Variants in TEX35 observed in about 807,000 individuals in gnomAD.
TEX35 encodes the protein testis expressed 35.
In TEX35, 26 loss-of-function variants were observed where a neutral mutation model predicts 31.9. The observed-to-expected ratio is 0.81, with a 90% CI of 0.60 to 1.13. TEX35 has a LOEUF of 1.13. Among genes scored for constraint, TEX35 ranks in the 50% most tolerant of loss-of-function variants. The pLI, the probability that TEX35 is intolerant of heterozygous loss-of-function variation, is 0.00. For synonymous variants in TEX35, 87 were observed against 90.7 expected, an observed-to-expected ratio of 0.96 and a Z score of 0.23; for missense variants, 278 against 273.5, an observed-to-expected ratio of 1.02 and a Z score of -0.12.
intron 1 of TEX35, among the ~76,000 whole-genome samples, chr1:178,513,604 G>T (rs1448412903): frequency 6.6e-6 from 1 of 152,264 alleles, no homozygotes. Flanking sequence ...TATAGATGAG[G>T]AAATGGGGGC....
chr1:178,520,645 C>T (rs1234120937), intron 6 of TEX35, 28 bp from the exon 7 acceptor site: 1 of 1,609,804 alleles, frequency 6.2e-7, no homozygotes, highest in African/African-American at 1.3e-5. Flanking sequence ...CCCCAACTCT[C>T]TGCCCCTCCC....
downstream of TEX35, chr1:178,523,309 C>T (rs374633801): frequency 1.6e-4 from 111 of 700,572 alleles, 1 homozygote; most frequent in Middle Eastern, 6.7e-4. Context: ...TAGGTATATA[C>T]GCTGCAGTGG....
intron 8 of TEX35, chr1:178,521,713 C>T (rs1172147377): frequency 6.4e-7 from 1 of 1,551,750 alleles, no homozygotes; most frequent in East Asian, 2.4e-5. Context: ...TCATCACCTC[C>T]AAGCTCCTTA....
At chr1:178,521,024 T>C (rs1393700834) in intron 7 of TEX35, 150 bp downstream of exon 7, 5 of 1,538,466 alleles carry the variant, frequency 3.2e-6, no homozygotes, top group Non-Finnish European at 4.4e-6. Flanking sequence ...GCGCCCTCCC[T>C]GACCTGCCTT....
chr1:178,521,007 C>G (rs74822949), intron 7 of TEX35, 133 bp downstream of exon 7: 5 of 1,538,316 alleles, frequency 3.3e-6, no homozygotes, highest in South Asian at 1.2e-5. Flanking sequence ...GGGTGCCGCC[C>G]GAGCCTGCGC....
rs549632398 is a variant in TEX35 at position 178,516,455 on chromosome 1, T to G, written c.217-160T>G. 4.8e-6 allele frequency: 3 copies of G among 619,240 alleles called. No homozygotes were observed. In the South Asian group the frequency reaches 6.1e-5, roughly 13 times the overall value. The allele number at this position is 619,240 out of a possible 1,614,324, so 38.4% of individuals were successfully genotyped here. On this transcript the variant is annotated intron_variant, in intron 4 of 8. Transcript: ENST00000319416. ...TTGATGGTGCTTGCACCCTAGTCCC[T>G]TCACAGACTCCTTGAGAAGAAAGTG...
chr1:178,513,957 C>T, intron 1 of TEX35, 70 bp from the exon 2 acceptor site: 2 of 1,568,358 alleles, frequency 1.3e-6, no homozygotes, highest in Non-Finnish European at 8.7e-7. Flanking sequence ...GGTTCCCGTG[C>T]AAGGGCCAGA....
chr1:178,518,833 G>A (rs1413682682), intron 5 of TEX35, among the ~76,000 whole-genome samples: 3 of 152,128 alleles, frequency 2.0e-5, no homozygotes, highest in Non-Finnish European at 2.9e-5. Context: ...CAAAGGAGGC[G>A]ATTTCAGGCA....
At chr1:178,522,253 CT>C in intron 8 of TEX35, 71 bp from the exon 9 acceptor site, 1 of 1,499,694 alleles carries the variant, frequency 6.7e-7, no homozygotes, top group Non-Finnish European at 8.9e-7. Context: ...AACTGGGTAG[CT>C]TTCTTGGGTT....
chr1:178,513,885 T>C, intron 1 of TEX35, 142 bp from the exon 2 acceptor site: 1 of 898,004 alleles, frequency 1.1e-6, no homozygotes. Context: ...GCGGGGTCTG[T>C]GAGCCTGAGC....
intron 4 of TEX35, among the ~76,000 whole-genome samples, chr1:178,516,334 G>C (rs761808549): frequency 1.6e-4 from 24 of 152,182 alleles, no homozygotes; most frequent in South Asian, 4.1e-4. Context: ...GCGAATAATC[G>C]AGCAAGAAAG....
chr1:178,521,071 A>T, intron 7 of TEX35, 151 bp from the exon 8 acceptor site: 1 of 1,570,694 alleles, frequency 6.4e-7, no homozygotes, highest in Non-Finnish European at 8.6e-7. Context: ...AGCTGTGACC[A>T]TGCAGGACTT....
chr1:178,521,739 G>A (rs1572178589), intron 8 of TEX35: 1 of 1,551,730 alleles, frequency 6.4e-7, no homozygotes, highest in African/African-American at 1.4e-5. Context: ...CACAGTCAGG[G>A]CTTCTTGTCC....
rs148987202 is a variant in TEX35, at chr1:178,520,809, A to C, written c.478A>C (p.Thr160Pro). 1 of 1,614,048 alleles carries C rather than the reference A, an allele frequency of 6.2e-7. No individual in the cohort carries two copies. The highest frequency in any genetic ancestry group is 1.3e-5 in the African/African-American group (1 of 74,926). The change falls in exon 7 of 9, where the codon ACG (threonine) becomes CCG (proline). Residue 160 changes from threonine to proline, a missense_variant. Coordinates refer to ENST00000319416, the MANE Select transcript of TEX35 (RefSeq NM_032126.5). ...AGCACCCTGTGCTCTTCACAAGAAG[A>C]CGATGGCACCACAAAAAACAAAACA... ...NGAPCALHKKTMAPQKTKQGS... is the reference protein window; with the variant it reads ...NGAPCALHKKPMAPQKTKQGS...
intron 4 of TEX35, 63 bp from the exon 5 acceptor site, chr1:178,516,552 G>A (rs1650083127): frequency 2.1e-6 from 3 of 1,447,926 alleles, no homozygotes; most frequent in Non-Finnish European, 2.9e-6. Context: ...CCTGAAAGAT[G>A]CCACAACTAA....
At chr1:178,522,662 A>G (rs1482073611), downstream of TEX35, 5 of 1,182,020 alleles carry the variant, frequency 4.2e-6, no homozygotes, top group African/African-American at 4.6e-5. Flanking sequence ...TTTTTTTTGG[A>G]ATTTTATTAT....
chr1:178,516,604 T>C lies in TEX35; in HGVS notation c.217-11T>C. 1 of 1,612,080 alleles carries C rather than the reference T, an allele frequency of 6.2e-7. No individual in the cohort carries two copies. The highest frequency in any genetic ancestry group is 1.1e-5 in the South Asian group (1 of 90,910). On this transcript the variant is annotated splice_polypyrimidine_tract_variant and intron_variant, in intron 4 of 8. Coordinates refer to ENST00000319416, the MANE Select transcript of TEX35 (RefSeq NM_032126.5). ...TGTGCTTTGTCAAGCCATGCCTTTC[T>C]TCCTTGTTAGATAAAGGATCTAATG...
In TEX35 at chr1:178,522,557, G is replaced by T; in HGVS notation, c.*117G>T. Reference sequence around the variant, plus strand: ...TCAATTTGAAGGACGAGGAATGATGGGATTTCATATTTTATTTCACACCAG... The same window carrying T: ...TCAATTTGAAGGACGAGGAATGATGTGATTTCATATTTTATTTCACACCAG... On this transcript the variant is annotated 3_prime_UTR_variant, in exon 9 of 9. Transcript: ENST00000319416. The T allele has an allele frequency of 1.5e-6, 2 of 1,317,702 alleles. No individual in the cohort carries two copies. The highest frequency in any genetic ancestry group is 1.9e-6 in the Non-Finnish European group (2 of 1,027,450). 81.6% of individuals were successfully genotyped at this position (1,317,702 alleles called of 1,614,324 possible).
chr1:178,521,015 C>T lies in TEX35; in HGVS notation c.543+141C>T, dbSNP rs143268019. 1,537 of 1,537,656 alleles carry T rather than the reference C, an allele frequency of 1.0e-3. 9 individuals carry two copies. In the African/African-American group the frequency reaches 0.014, roughly 14 times the overall value. On this transcript the variant is annotated intron_variant, in intron 7 of 8. Coordinates refer to ENST00000319416, the MANE Select transcript of TEX35 (RefSeq NM_032126.5). Reference sequence around the variant, plus strand: ...GACTTCTGGGTGCCGCCCGAGCCTGCGCCCTCCCTGACCTGCCTTGCCTTC... The same window carrying T: ...GACTTCTGGGTGCCGCCCGAGCCTGTGCCCTCCCTGACCTGCCTTGCCTTC...
Sources: allele counts gnomAD v4.1 joint callset (sites outside exome capture counted in the v4.1 genomes callset), GRCh38; gene constraint gnomAD v4.1.1; transcripts MANE v1.5; gene names NCBI Gene and HGNC (gene_info 2026-07-23, HGNC 2026-07-21).